The following WDR62 variants were observed in gnomAD, a reference collection of about 807,000 sequenced individuals.
WDR62 encodes the protein WD repeat domain 62, also known as WD repeat-containing protein 62.
In WDR62, 112 loss-of-function variants were observed where a neutral mutation model predicts 160.6. The ratio of observed to expected loss-of-function variants is 0.70; its 90% CI spans 0.60 to 0.82. The LOEUF (loss-of-function observed/expected upper bound fraction) is 0.82. Ranked by LOEUF, WDR62 falls within the 40% of genes least tolerant of loss-of-function variation. The pLI, the probability that WDR62 is intolerant of heterozygous loss-of-function variation, is 0.00. For missense variants in WDR62, 1,819 were observed against 1,983.8 expected (o/e 0.92, Z 1.58); for synonymous variants, 792 against 815.1 (o/e 0.97, Z 0.48).
chr19:36,102,454 G>T (rs1973422528), intron 26 of WDR62: 1 of 580,484 alleles, frequency 1.7e-6, no homozygotes, highest in African/African-American at 1.9e-5. Context: ...TAGAGATGAG[G>T]TTTCACCATG....
chr19:36,091,992 A>G (rs970229513), intron 18 of WDR62, among the ~76,000 whole-genome samples: 4 of 151,914 alleles, frequency 2.6e-5, no homozygotes, highest in African/African-American at 9.7e-5. Context: ...TGTAAAAGAC[A>G]CCACCGTTTA....
chr19:36,068,421 G>A (rs1335291718), intron 7 of WDR62, among the ~76,000 whole-genome samples: 1 of 152,010 alleles, frequency 6.6e-6, no homozygotes, highest in African/African-American at 2.4e-5. Flanking sequence ...GTTTGGCAGG[G>A]TCTTAGGACA....
At chr19:36,090,074 G>A (rs148712410) in intron 15 of WDR62, among the ~76,000 whole-genome samples, 247 of 152,262 alleles carry the variant, frequency 1.6e-3, no homozygotes, top group Non-Finnish European at 3.0e-3. Context: ...CCCCACCTGC[G>A]GATCAAGCAG....
At chr19:36,075,139 A>G (rs1240485682) in intron 9 of WDR62, 1 of 151,660 alleles carries the variant, frequency 6.6e-6, no homozygotes, top group Non-Finnish European at 1.5e-5. Flanking sequence ...GGTTCAAGTG[A>G]TTCTCCTGCC....
intron 18 of WDR62, among the ~76,000 whole-genome samples, chr19:36,092,161 A>C (rs1023034210): frequency 3.9e-5 from 6 of 151,984 alleles, no homozygotes; most frequent in African/African-American, 1.4e-4. Context: ...AAATACAAAA[A>C]TTAGCTGTGC....
At chr19:36,099,978 C>T (rs1314840080) in intron 22 of WDR62, among the ~76,000 whole-genome samples, 1 of 152,096 alleles carries the variant, frequency 6.6e-6, no homozygotes, top group Admixed American at 6.6e-5. Flanking sequence ...GGGTCAGGGG[C>T]AGTGGCTAAC....
intron 3 of WDR62, chr19:36,060,583 C>T (rs1053350005): frequency 6.0e-6 from 1 of 166,338 alleles, no homozygotes; most frequent in African/African-American, 2.4e-5. Context: ...TCCCGTAGGC[C>T]TTGCAGCCTT....
intron 3 of WDR62, 151 bp from the exon 4 acceptor site, chr19:36,065,807 G>A: frequency 1.2e-6 from 1 of 802,972 alleles, no homozygotes; most frequent in Non-Finnish European, 2.2e-6. Context: ...CAGCGGCACT[G>A]GCTCTGTGGG....
At chr19:36,083,946 G>T (rs1212404398) in intron 11 of WDR62, among the ~76,000 whole-genome samples, 2 of 152,164 alleles carry the variant, frequency 1.3e-5, no homozygotes, top group African/African-American at 4.8e-5. Context: ...CACCTGTTTT[G>T]ATATCAGTCA....
intron 3 of WDR62, chr19:36,061,625 G>T (rs557918500): frequency 6.6e-6 from 1 of 152,318 alleles, no homozygotes; most frequent in East Asian, 1.9e-4. Flanking sequence ...AATCCCTGTA[G>T]GCAGTGGAGT....
chr19:36,084,458 T>C lies in WDR62; in HGVS notation c.1551-195T>C, dbSNP rs575183774. On this transcript the variant is annotated intron_variant, in intron 11 of 31. Transcript: ENST00000401500. ...CACAAGGGGCTGCTGCCTGCTGAGG[T>C]GCTCCCTGGTTCAACACGGCTCCCT... Among the ~76,000 whole-genome samples the C allele has an allele frequency of 2.0e-5, 3 of 152,246 alleles. No individual in the cohort carries two copies. The East Asian group carries it at 5.8e-4, about 29-fold the overall frequency.
chr19:36,058,663 C>T, intron 1 of WDR62, 117 bp from the exon 2 acceptor site: 2 of 762,404 alleles, frequency 2.6e-6, no homozygotes, highest in Non-Finnish European at 4.6e-6. Flanking sequence ...GATGGCGTGG[C>T]CACAGAAGCT....
rs376260681 is a variant in WDR62, at chr19:36,073,400, G to A, written c.1102G>A (p.Asp368Asn). The A allele has an allele frequency of 1.6e-5, 26 of 1,613,954 alleles. No homozygotes were observed. The highest frequency in any genetic ancestry group is 2.2e-5 in the East Asian group (1 of 44,874). ...VYPDTVALTF[D>N]PIHQWLSCVY... is the part of the protein sequence containing the mutation. ...CCCAGATACAGTGGCACTGACCTTCGACCCCATCCACCAGTGGCTGTCCTG... is the reference window on the plus strand; with the variant it reads ...CCCAGATACAGTGGCACTGACCTTCAACCCCATCCACCAGTGGCTGTCCTG... Residue 368 changes from aspartate (D) to asparagine (N), a missense_variant, in exon 9 of 32, where the codon GAC (aspartate) becomes AAC (asparagine). Around this residue, in one of 3 missense-constraint regions of WDR62, gnomAD observed 934 missense variants for 1,157.2 expected, o/e 0.81. Transcript: ENST00000401500.
In WDR62 at chr19:36,099,389, A is replaced by G; in HGVS notation, c.2521-10A>G. On this transcript the variant is annotated splice_polypyrimidine_tract_variant and intron_variant, in intron 21 of 31. Coordinates refer to ENST00000401500, the MANE Select transcript of WDR62 (RefSeq NM_001083961.2). Reference sequence around the variant, plus strand: ...TCAGCCAGTTGCCTGACTGTCCGATATCCTTCAAGCTAGGGGACGATGATG... The same window carrying G: ...TCAGCCAGTTGCCTGACTGTCCGATGTCCTTCAAGCTAGGGGACGATGATG... 6.2e-7 allele frequency: 1 copy of G among 1,612,558 alleles called. No individual in the cohort carries two copies. Among genetic ancestry groups the G allele is most frequent in the Non-Finnish European group, 8.5e-7 (1 of 1,179,696 alleles).
chr19:36,102,412 A>G (rs1156313565), intron 26 of WDR62: 17 of 591,122 alleles, frequency 2.9e-5, no homozygotes, highest in Non-Finnish European at 3.6e-5. Context: ...AGGCATCCAC[A>G]ACCACGCCCT....
At chr19:36,071,494 C>T (rs1971295447) in intron 7 of WDR62, 62 bp from the exon 8 acceptor site, 2 of 1,606,190 alleles carry the variant, frequency 1.2e-6, no homozygotes, top group Middle Eastern at 3.3e-4. Context: ...TGTCAGTCCC[C>T]ATATCCCCGG....
At chr19:36,090,590 G>A in intron 16 of WDR62, 70 bp downstream of exon 16, 5 of 1,439,674 alleles carry the variant, frequency 3.5e-6, no homozygotes, top group Non-Finnish European at 4.9e-6. Context: ...CCACACCTGA[G>A]ACCTGTGCCC....
intron 12 of WDR62, 71 bp downstream of exon 12, chr19:36,084,815 G>A (rs1972114065): frequency 1.4e-6 from 2 of 1,414,200 alleles, no homozygotes; most frequent in South Asian, 2.3e-5. Flanking sequence ...CACAGAAAGG[G>A]GTAGTTGGTG....
chr19:36,063,272 C>T (rs1377877965), intron 3 of WDR62, among the ~76,000 whole-genome samples: 8 of 145,050 alleles, frequency 5.5e-5, no homozygotes, highest in Admixed American at 2.8e-4. Flanking sequence ...TTTTTTGAGA[C>T]GAAGTCTCAC....
Sources: gnomAD v4.1 joint callset for allele counts (sites outside exome capture counted in the v4.1 genomes callset) on GRCh38, gnomAD v4.1.1 for gene constraint, gnomAD v4.1.1 regional missense constraint, MANE v1.5 for transcripts, NCBI Gene and HGNC (gene_info 2026-07-23, HGNC 2026-07-21) for gene names.